Variants in ATP8B4 observed in about 807,000 individuals in gnomAD.
ATP8B4 encodes the protein probable phospholipid-transporting ATPase IM.
A neutral mutation model predicts 145.6 loss-of-function variants in ATP8B4; 133 were observed. The observed-to-expected ratio is 0.91, with a 90% CI of 0.79 to 1.05. The LOEUF (loss-of-function observed/expected upper bound fraction) is 1.05, where lower values mean the gene tolerates loss of function less well. Ranked by LOEUF, ATP8B4 falls within the 50% of genes least tolerant of loss-of-function variation. ATP8B4 has a pLI of 0.00. For synonymous variants in ATP8B4, 507 were observed against 492.9 expected, an observed-to-expected ratio of 1.03 and a Z score of -0.38; for missense variants, 1,458 against 1,425.2, an observed-to-expected ratio of 1.02 and a Z score of -0.37.
At chr15:50,157,482 C>A (rs77838129) in intron 1 of ATP8B4, among the ~76,000 whole-genome samples, 1 of 152,134 alleles carries the variant, frequency 6.6e-6, no homozygotes, top group African/African-American at 2.4e-5. Flanking sequence ...ATAGCTTTTA[C>A]GGTACAAATA....
At chr15:50,115,806 G>A (rs143186866) in intron 1 of ATP8B4, among the ~76,000 whole-genome samples, 2 of 152,232 alleles carry the variant, frequency 1.3e-5, no homozygotes, top group African/African-American at 2.4e-5. Flanking sequence ...AAAACTCTAC[G>A]AGCAGGAATT....
chr15:49,997,791 G>C (rs1160969278), intron 8 of ATP8B4, among the ~76,000 whole-genome samples: 1 of 152,116 alleles, frequency 6.6e-6, no homozygotes, highest in African/African-American at 2.4e-5. Flanking sequence ...AATACGCATT[G>C]CTAAAATAGC....
At chr15:50,150,877 A>G (rs1395529943) in intron 1 of ATP8B4, among the ~76,000 whole-genome samples, 1 of 152,246 alleles carries the variant, frequency 6.6e-6, no homozygotes, top group Non-Finnish European at 1.5e-5. Flanking sequence ...GAATAAATCA[A>G]ATGACCATTA....
intron 1 of ATP8B4, among the ~76,000 whole-genome samples, chr15:50,160,298 G>A (rs1311222556): frequency 6.6e-6 from 1 of 150,662 alleles, no homozygotes; most frequent in African/African-American, 2.4e-5. Context: ...TTCTTAGTCT[G>A]GCTAAAGATT....
chr15:50,064,971 C>T (rs964514368), intron 3 of ATP8B4, among the ~76,000 whole-genome samples: 2 of 152,130 alleles, frequency 1.3e-5, no homozygotes, highest in Non-Finnish European at 2.9e-5. Context: ...GAACTTCACC[C>T]TCATAATCCA....
intron 1 of ATP8B4, among the ~76,000 whole-genome samples, chr15:50,154,343 G>A (rs966569927): frequency 6.6e-6 from 1 of 151,740 alleles, no homozygotes; most frequent in African/African-American, 2.4e-5. Context: ...GTTCTATCTT[G>A]TTTTTATTTC....
chr15:50,085,677 T>G (rs1459539865), intron 2 of ATP8B4, among the ~76,000 whole-genome samples: 4 of 151,204 alleles, frequency 2.6e-5, no homozygotes, highest in Non-Finnish European at 2.9e-5. Context: ...AAATTATATG[T>G]GTAAGATTTA....
intron 2 of ATP8B4, among the ~76,000 whole-genome samples, chr15:50,100,064 A>C (rs1412128036): frequency 2.0e-5 from 3 of 151,812 alleles, no homozygotes; most frequent in Non-Finnish European, 4.4e-5. Flanking sequence ...AGAATGCAAG[A>C]CATCTGAATA....
rs199648946 is a variant in ATP8B4, at chr15:49,920,367, C to G, written c.1802G>C (p.Arg601Thr). 1.1e-5 allele frequency: 18 copies of G among 1,614,094 alleles called. No individual in the cohort carries two copies. Among genetic ancestry groups the G allele is most frequent in the Non-Finnish European group, 1.7e-6 (2 of 1,180,044 alleles). ...EGLRTLAIAYRDLDDKYFKEW... is the reference protein window; with the variant it reads ...EGLRTLAIAYTDLDDKYFKEW... ...TTTAAAGTACTTGTCATCCAGGTCT[C>G]TGTATGCGATGGCCAAGGTCCGAAG... The change falls in exon 18 of 28, where the codon AGA becomes ACA. Residue 601 changes from arginine to threonine, a missense_variant. Arg to Thr is a moderately conservative substitution (Grantham distance 71). Coordinates refer to ENST00000284509, the MANE Select transcript of ATP8B4 (RefSeq NM_024837.4).
intron 2 of ATP8B4, among the ~76,000 whole-genome samples, chr15:50,087,250 T>C (rs1295993409): frequency 7.5e-6 from 1 of 133,794 alleles, no homozygotes; most frequent in African/African-American, 2.8e-5. Context: ...AATAGAATAA[T>C]ATATAGATCT....
At chr15:50,006,849 A>C (rs1599764727) in intron 7 of ATP8B4, among the ~76,000 whole-genome samples, 1 of 152,196 alleles carries the variant, frequency 6.6e-6, no homozygotes, top group Admixed American at 6.5e-5. Context: ...ACAACACAAG[A>C]GTACTGCTGT....
At chr15:49,948,438 G>A (rs1470848381) in intron 14 of ATP8B4, among the ~76,000 whole-genome samples, 2 of 152,108 alleles carry the variant, frequency 1.3e-5, no homozygotes, top group Non-Finnish European at 2.9e-5. Flanking sequence ...GACAGAGTGA[G>A]ACTCTGTCTC....
chr15:49,936,667 G>A (rs761205365), intron 14 of ATP8B4, among the ~76,000 whole-genome samples: 2 of 151,974 alleles, frequency 1.3e-5, no homozygotes, highest in Non-Finnish European at 2.9e-5. Context: ...TCTTTCAATT[G>A]GAAGATTTGG....
chr15:49,879,138 G>A (rs2034979543), intron 24 of ATP8B4, among the ~76,000 whole-genome samples: 1 of 152,194 alleles, frequency 6.6e-6, no homozygotes, highest in Non-Finnish European at 1.5e-5. Flanking sequence ...AATCTATGGG[G>A]TGTGAACCTC....
At chr15:50,062,605 C>A (rs1020932069) in intron 3 of ATP8B4, among the ~76,000 whole-genome samples, 1 of 152,120 alleles carries the variant, frequency 6.6e-6, no homozygotes, top group African/African-American at 2.4e-5. Context: ...GAGAAAATAA[C>A]ATGAGCTAAT....
intron 6 of ATP8B4, among the ~76,000 whole-genome samples, chr15:50,012,797 C>T (rs956255334): frequency 6.6e-6 from 1 of 152,224 alleles, no homozygotes; most frequent in East Asian, 1.9e-4. Flanking sequence ...GTGTGAGATG[C>T]CTTGCTTAAC....
intron 6 of ATP8B4, among the ~76,000 whole-genome samples, chr15:50,020,270 G>GTT (rs778979345): frequency 8.0e-6 from 1 of 125,544 alleles, no homozygotes. Flanking sequence ...TGAGTTTTTT[G>GTT]TTTTTTTTTT....
chr15:50,073,019 TACACACACACACAC>T (rs373934302), intron 3 of ATP8B4, among the ~76,000 whole-genome samples: 9 of 32,434 alleles, frequency 2.8e-4, no homozygotes, highest in Admixed American at 7.4e-4. Flanking sequence ...TATATATATA[TACACACACACACAC>T]ACACACACAC....
At chr15:49,986,588 CTTTG>C (rs955774823) in intron 10 of ATP8B4, among the ~76,000 whole-genome samples, 2 of 152,156 alleles carry the variant, frequency 1.3e-5, no homozygotes, top group African/African-American at 4.8e-5. Context: ...TTAATGAACA[CTTTG>C]TTGTTGTTGA....
Sources: allele counts gnomAD v4.1 joint callset (sites outside exome capture counted in the v4.1 genomes callset), GRCh38; gene constraint gnomAD v4.1.1; transcripts MANE v1.5; gene names NCBI Gene and HGNC (gene_info 2026-07-23, HGNC 2026-07-21).